The following KIAA1143 variants were observed in gnomAD, a reference collection of about 807,000 sequenced individuals.
The protein encoded by KIAA1143 is KIAA1143.
A neutral mutation model predicts 17.0 loss-of-function variants in KIAA1143; 8 were observed. That is an observed-to-expected ratio of 0.47 (90% confidence interval 0.28 to 0.85). The LOEUF is 0.85. Ranked by LOEUF, KIAA1143 falls within the 40% of genes least tolerant of loss-of-function variation. KIAA1143 has a pLI of 0.12. For synonymous variants in KIAA1143, 64 were observed against 67.8 expected, an observed-to-expected ratio of 0.94 and a Z score of 0.27; for missense variants, 162 against 183.3, an observed-to-expected ratio of 0.88 and a Z score of 0.67.
rs558908850 is a variant in KIAA1143, at chr3:44,755,060, A to G, written c.109-692T>C. 5.3e-5 allele frequency among the ~76,000 whole-genome samples: 8 copies of G among 152,312 alleles called. No homozygotes were observed. In the South Asian group the frequency reaches 1.7e-3, roughly 32 times the overall value. On this transcript the variant is annotated intron_variant, in intron 1 of 2. Transcript: ENST00000296121. ...TTGCCAGTTGATTCAGATTTTTGAA[A>G]TGTGAGACACCGTAAGAGCCCCACT...
intron 1 of KIAA1143, among the ~76,000 whole-genome samples, chr3:44,760,413 G>A (rs563128185): frequency 3.3e-5 from 5 of 151,902 alleles, no homozygotes; most frequent in Non-Finnish European, 4.4e-5. Flanking sequence ...TTTTTGAGAC[G>A]GAGTCTCGCT....
intron 1 of KIAA1143, among the ~76,000 whole-genome samples, chr3:44,754,925 T>C (rs554874472): frequency 4.6e-4 from 70 of 152,328 alleles, no homozygotes; most frequent in African/African-American, 1.7e-3. Flanking sequence ...CTGTACTTAT[T>C]CCTGTGACTT....
intron 1 of KIAA1143, among the ~76,000 whole-genome samples, chr3:44,761,112 C>T (rs976990258): frequency 2.0e-5 from 3 of 152,140 alleles, no homozygotes; most frequent in Admixed American, 2.0e-4. Context: ...GTCATTTGAT[C>T]GAGTGGCCTG....
Position 44,749,800 on chromosome 3 carries a change from T to C in KIAA1143, c.*3541A>G, listed in dbSNP as rs1704869758. The C allele has an allele frequency of 6.6e-6, 1 of 152,232 alleles. No homozygotes were observed. Among genetic ancestry groups the C allele is most frequent in the South Asian group, 2.1e-4 (1 of 4,826 alleles). The allele number at this position is 152,232 out of a possible 1,614,324, so 9.4% of individuals were successfully genotyped here. On this transcript the variant is annotated 3_prime_UTR_variant, in exon 3 of 3. Transcript: ENST00000296121. ...TTTTTTAAAATTTATTTCTATTTTT[T>C]ATTTTTTTTGAGACAGTTCTTACTC...
In KIAA1143 at chr3:44,761,582, T is replaced by A. The variant is rs1022209518; in HGVS notation, c.21A>T (p.Val7=). The A allele has an allele frequency of 1.2e-6, 2 of 1,612,540 alleles. No homozygotes were observed. Among genetic ancestry groups the A allele is most frequent in the African/African-American group, 1.3e-5 (1 of 74,330 alleles). The change falls in exon 1 of 3, where the codon GTA becomes GTT. Residue 7 remains valine, a synonymous_variant. Coordinates refer to ENST00000296121, the MANE Select transcript of KIAA1143 (RefSeq NM_020696.4). ...CCGGCTCGGCTGGCCGCACGTACGA[T>A]ACCTGGTTCCGCTTGCTCATGGTAG... MSKRNQ[V]SYVRPAEPAF...
intron 1 of KIAA1143, among the ~76,000 whole-genome samples, chr3:44,761,130 A>C (rs2125882920): frequency 6.6e-6 from 1 of 152,272 alleles, no homozygotes; most frequent in African/African-American, 2.4e-5. Flanking sequence ...CTGTGTCCTT[A>C]TCTGGAATAC....
intron 1 of KIAA1143, among the ~76,000 whole-genome samples, 153 bp from the exon 2 acceptor site, chr3:44,754,521 C>T (rs1704938339): frequency 1.3e-5 from 2 of 152,172 alleles, no homozygotes; most frequent in Admixed American, 1.3e-4. Flanking sequence ...AGAGACTTAG[C>T]TTGCCACACA....
chr3:44,755,337 G>C (rs1457083220), intron 1 of KIAA1143, among the ~76,000 whole-genome samples: 1 of 152,070 alleles, frequency 6.6e-6, no homozygotes, highest in Admixed American at 6.6e-5. Flanking sequence ...GTTCACTAGA[G>C]GTGGAACTGT....
rs1704854876 is a variant in KIAA1143 at position 44,748,963 on chromosome 3, G to C, written c.*4378C>G. 2.0e-5 allele frequency: 3 copies of C among 152,160 alleles called. No homozygotes were observed. The highest frequency in any genetic ancestry group is 6.5e-5 in the Admixed American group (1 of 15,280). 9.4% of individuals were successfully genotyped at this position (152,160 alleles called of 1,614,324 possible). Reference sequence around the variant, plus strand: ...GAAAAAACCCTGGCTTCTATAACAAGTGAGTATACATTAAAGACAGTATTG... The same window carrying C: ...GAAAAAACCCTGGCTTCTATAACAACTGAGTATACATTAAAGACAGTATTG... On this transcript the variant is annotated 3_prime_UTR_variant, in exon 3 of 3. Transcript: ENST00000296121.
chr3:44,761,586 T>G lies in KIAA1143; in HGVS notation c.17A>C (p.Gln6Pro). 6.2e-7 allele frequency: 1 copy of G among 1,611,258 alleles called. No individual in the cohort carries two copies. Among genetic ancestry groups the G allele is most frequent in the Non-Finnish European group, 8.5e-7 (1 of 1,179,562 alleles). Residue 6 changes from glutamine to proline, a missense_variant, in exon 1 of 3, where the codon CAG becomes CCG. Gln to Pro is a moderately conservative substitution (Grantham distance 76). Transcript: ENST00000296121. ...CTCGGCTGGCCGCACGTACGATACC[T>G]GGTTCCGCTTGCTCATGGTAGCTCT... MSKRN[Q>P]VSYVRPAEPA... is the part of the protein sequence containing the mutation.
intron 1 of KIAA1143, among the ~76,000 whole-genome samples, chr3:44,759,894 C>CAAAAAAAAGAAAA (rs1705040202): frequency 2.0e-5 from 1 of 51,102 alleles, no homozygotes; most frequent in Non-Finnish European, 3.7e-5. Flanking sequence ...GACCCTATCT[C>CAAAAAAAAGAAAA]AAAAAAAAAA....
At chr3:44,758,222 T>G (rs1268530233) in intron 1 of KIAA1143, among the ~76,000 whole-genome samples, 1 of 152,216 alleles carries the variant, frequency 6.6e-6, no homozygotes, top group African/African-American at 2.4e-5. Context: ...GGATGTTGAC[T>G]GATGAGGGTG....
In KIAA1143 at chr3:44,753,329, A is replaced by T. The variant is rs1340499184; in HGVS notation, c.*12T>A. ...ATACTTTCAAAGTAGACTAAATTCA[A>T]AATATTTACACTTACTCATTTTCAT... On this transcript the variant is annotated 3_prime_UTR_variant, in exon 3 of 3. Coordinates refer to ENST00000296121, the MANE Select transcript of KIAA1143 (RefSeq NM_020696.4). The T allele has an allele frequency of 7.6e-6, 12 of 1,581,664 alleles. No homozygotes were observed. The highest frequency in any genetic ancestry group is 1.7e-5 in the Admixed American group (1 of 59,344).
intron 2 of KIAA1143, 34 bp from the exon 3 acceptor site, chr3:44,753,586 C>T (rs566172045): frequency 7.0e-6 from 11 of 1,582,704 alleles, no homozygotes; most frequent in Non-Finnish European, 9.5e-6. Context: ...GAACTTTCTT[C>T]TCCTCATTAT....
Position 44,749,576 on chromosome 3 carries a change from C to G in KIAA1143, c.*3765G>C, listed in dbSNP as rs1575556624. ...GGTCTTGAGGAATCACCTCTAAAGG[C>G]TCAGACTTTAAAGTGCTTCCCCTCC... On this transcript the variant is annotated 3_prime_UTR_variant, in exon 3 of 3. Coordinates refer to ENST00000296121, the MANE Select transcript of KIAA1143 (RefSeq NM_020696.4). The G allele has an allele frequency of 6.6e-6, 1 of 152,142 alleles. No homozygotes were observed. Among genetic ancestry groups the G allele is most frequent in the East Asian group, 1.9e-4 (1 of 5,180 alleles). The allele number at this position is 152,142 out of a possible 1,614,324, so 9.4% of individuals were successfully genotyped here.
At chr3:44,755,090 C>T (rs1704950321) in intron 1 of KIAA1143, among the ~76,000 whole-genome samples, 1 of 152,154 alleles carries the variant, frequency 6.6e-6, no homozygotes, top group Non-Finnish European at 1.5e-5. Context: ...CCCACTCCCA[C>T]AACTTAACTC....
rs1195615791 is a variant in KIAA1143, at chr3:44,751,762, A to G, written c.*1579T>C. ...ATCCATTTCCTTTTGCCTAGAGACC[A>G]CCAAGTTAGATGATCATGTGACAAG... On this transcript the variant is annotated 3_prime_UTR_variant, in exon 3 of 3. Transcript: ENST00000296121. The G allele has an allele frequency of 1.3e-5, 2 of 152,324 alleles. No homozygotes were observed. The highest frequency in any genetic ancestry group is 1.9e-4 in the East Asian group (1 of 5,186). The allele number at this position is 152,324 out of a possible 1,614,324, so 9.4% of individuals were successfully genotyped here.
At chr3:44,753,887 C>T (rs1442954450) in intron 2 of KIAA1143, among the ~76,000 whole-genome samples, 2 of 152,004 alleles carry the variant, frequency 1.3e-5, no homozygotes, top group South Asian at 2.1e-4. Flanking sequence ...TACTACATAT[C>T]ATACCAAACT....
chr3:44,753,817 T>C (rs1458278933), intron 2 of KIAA1143, among the ~76,000 whole-genome samples: 1 of 152,242 alleles, frequency 6.6e-6, no homozygotes, highest in Non-Finnish European at 1.5e-5. Context: ...AGTGACTGTT[T>C]GGAACTACAG....
Sources: gnomAD v4.1 joint callset for allele counts (sites outside exome capture counted in the v4.1 genomes callset) on GRCh38, gnomAD v4.1.1 for gene constraint, MANE v1.5 for transcripts, NCBI Gene and HGNC (gene_info 2026-07-23, HGNC 2026-07-21) for gene names.